GRIP1: variants seen among roughly 807,000 people sequenced by gnomAD.
GRIP1 encodes glutamate receptor interacting protein 1.
GRIP1 carries 45 observed loss-of-function variants against 129.9 expected under a neutral mutation model. That is an observed-to-expected ratio of 0.35 (90% confidence interval 0.27 to 0.44). The LOEUF (loss-of-function observed/expected upper bound fraction) is 0.44, where lower values mean the gene tolerates loss of function less well. Ranked by LOEUF, GRIP1 falls within the 20% of genes least tolerant of loss-of-function variation. The probability of loss-of-function intolerance (pLI) is 1.00; values close to 1 mark genes in which losing one functional copy is unlikely to be tolerated. For missense variants in GRIP1, 1,196 were observed against 1,396.8 expected (o/e 0.86, Z 2.29); for synonymous variants, 530 against 520.8 (o/e 1.02, Z -0.24).
At position 66,628,483 on chromosome 12, in the gene GRIP1, C is replaced by T. The variant is rs566964202; in HGVS notation, c.56-31556G>A. Among the ~76,000 whole-genome samples, 10 of 152,340 alleles carry T rather than the reference C, an allele frequency of 6.6e-5. No individual in the cohort carries two copies. The East Asian group carries it at 1.7e-3, about 26-fold the overall frequency. On this transcript the variant is annotated intron_variant, in intron 1 of 24. Coordinates refer to ENST00000359742, the MANE Select transcript of GRIP1 (RefSeq NM_001366722.1). ...TTTTCTCATTTTCCCTCCTCCTCTC[C>T]TGCTTCCTCCAGCCCTTTTAGTCCT... is the stretch of plus-strand genomic sequence containing the variant.
intron 1 of GRIP1, among the ~76,000 whole-genome samples, chr12:66,852,576 G>T (rs2039933697): frequency 6.6e-6 from 1 of 150,698 alleles, no homozygotes; most frequent in Admixed American, 6.6e-5. Context: ...ATGCATACAG[G>T]TATATGTATA....
chr12:66,621,780 G>A (rs1362561420), intron 1 of GRIP1, among the ~76,000 whole-genome samples: 1 of 152,022 alleles, frequency 6.6e-6, no homozygotes, highest in Non-Finnish European at 1.5e-5. Context: ...TTTTTTAATA[G>A]CCATCCTAAT....
Position 66,723,239 on chromosome 12 carries a change from T to TCTCCCTTCCTTC in GRIP1, c.-420+80813_-420+80814insGAAGGAAGGGAG, listed in dbSNP as rs1555230329. Among the ~76,000 whole-genome samples the TCTCCCTTCCTTC allele has an allele frequency of 4.2e-4, 10 of 23,598 alleles. 1 individual carries two copies. The highest frequency in any genetic ancestry group is 3.9e-3 in the South Asian group (2 of 510). The allele number at this position is 23,598 out of a possible 152,430, so 15.5% of individuals were successfully genotyped here. A position where few individuals can be genotyped will look rare whatever the true frequency, so the allele number is the denominator to read the frequency against. Reference sequence around the variant, plus strand: ...CTTTCTTTCTTTCTCTCTCTCTCTCTCTTCCTTCCTTCCTTCCTTCCTTCC... The same window carrying TCTCCCTTCCTTC: ...CTTTCTTTCTTTCTCTCTCTCTCTCTCTCCCTTCCTTCCTTCCTTCCTTCCTTCCTTCCTTCC... On this transcript the variant is annotated intron_variant, in intron 1 of 4. Coordinates refer to the GRIP1 transcript ENST00000538373.
intron 1 of GRIP1, among the ~76,000 whole-genome samples, chr12:67,014,667 C>A (rs1317072420): frequency 6.6e-6 from 1 of 152,000 alleles, no homozygotes; most frequent in Non-Finnish European, 1.5e-5. Context: ...TAACCCCCTG[C>A]AGAGACTCAA....
At chr12:66,402,936 A>T (rs561088311) in intron 16 of GRIP1, among the ~76,000 whole-genome samples, 7 of 152,332 alleles carry the variant, frequency 4.6e-5, no homozygotes, top group Admixed American at 3.3e-4. Flanking sequence ...TAGAATACAG[A>T]TAGTCCCCAC....
At chr12:66,486,508 C>T (rs12818255) in intron 7 of GRIP1, among the ~76,000 whole-genome samples, 27,962 of 151,998 alleles carry the variant, frequency 0.18, 2,755 homozygotes, top group Non-Finnish European at 0.21. Flanking sequence ...CAGTTTCCCC[C>T]GTACTATTCT....
chr12:66,808,839 C>T (rs1321393242), upstream of GRIP1, among the ~76,000 whole-genome samples: 6 of 110,660 alleles, frequency 5.4e-5, no homozygotes, highest in African/African-American at 2.1e-4. Flanking sequence ...ACCACCTGGC[C>T]CCTGCAGGCA....
At chr12:66,432,302 T>C (rs2058171856) in intron 14 of GRIP1, among the ~76,000 whole-genome samples, 1 of 152,152 alleles carries the variant, frequency 6.6e-6, no homozygotes, top group South Asian at 2.1e-4. Flanking sequence ...AAAACAATCC[T>C]ATATTTTCTA....
At chr12:66,858,203 T>C (rs927931904) in intron 1 of GRIP1, among the ~76,000 whole-genome samples, 2 of 151,994 alleles carry the variant, frequency 1.3e-5, no homozygotes, top group Non-Finnish European at 2.9e-5. Context: ...TTACTGTATA[T>C]ATAAGAGATC....
At chr12:66,503,925 T>A (rs2060458327) in intron 7 of GRIP1, among the ~76,000 whole-genome samples, 1 of 152,154 alleles carries the variant, frequency 6.6e-6, no homozygotes, top group Admixed American at 6.5e-5. Context: ...AGGGATCTTT[T>A]TGAGAGTGTA....
intron 1 of GRIP1, among the ~76,000 whole-genome samples, chr12:66,909,705 G>GA (rs763425837): frequency 2.6e-5 from 4 of 152,186 alleles, no homozygotes; most frequent in Non-Finnish European, 5.9e-5. Flanking sequence ...ACAAGGTTTA[G>GA]ATGATTTTCT....
At chr12:66,532,237 G>T (rs1424779586) in intron 4 of GRIP1, among the ~76,000 whole-genome samples, 1 of 152,070 alleles carries the variant, frequency 6.6e-6, no homozygotes, top group African/African-American at 2.4e-5. Context: ...TCATGATTGG[G>T]TTTTCACGTG....
rs192924870 is a variant in GRIP1 at position 66,552,874 on chromosome 12, A to C, written c.137-10924T>G. ...AGTCACTGCAGATCACCAAGAAGCAAAGCATCTGGGGAGCCCTATGGACTT... is the reference window on the plus strand; with the variant it reads ...AGTCACTGCAGATCACCAAGAAGCACAGCATCTGGGGAGCCCTATGGACTT... On this transcript the variant is annotated intron_variant, in intron 2 of 24. Transcript: ENST00000359742. Among the ~76,000 whole-genome samples, 3 of 152,294 alleles carry C rather than the reference A, an allele frequency of 2.0e-5. No individual in the cohort carries two copies. In the East Asian group the frequency reaches 5.8e-4, roughly 29 times the overall value.
chr12:66,815,972 C>G (rs1036929852), intron 1 of GRIP1, among the ~76,000 whole-genome samples: 1 of 151,956 alleles, frequency 6.6e-6, no homozygotes, highest in East Asian at 1.9e-4. Context: ...TTCCTTCTGT[C>G]TGAAACATGA....
At position 66,445,518 on chromosome 12, in the gene GRIP1, C is replaced by A. The variant is rs776867245; in HGVS notation, c.1355-10G>T. Reference sequence around the variant, plus strand: ...CTGGAGGCTAAGGACACTAGAGGAACAAACAGAAAATACTGACTTTAGGTT... The same window carrying A: ...CTGGAGGCTAAGGACACTAGAGGAAAAAACAGAAAATACTGACTTTAGGTT... On this transcript the variant is annotated splice_polypyrimidine_tract_variant and intron_variant, in intron 11 of 24. Coordinates refer to ENST00000359742, the MANE Select transcript of GRIP1 (RefSeq NM_001366722.1). 8.1e-6 allele frequency: 13 copies of A among 1,596,434 alleles called. No individual in the cohort carries two copies. The East Asian group carries it at 2.7e-4, about 33-fold the overall frequency.
intron 1 of GRIP1, among the ~76,000 whole-genome samples, chr12:66,890,875 G>A (rs1039754152): frequency 3.9e-5 from 6 of 152,114 alleles, no homozygotes. Context: ...CACAGGCTGT[G>A]GATCTTTTAT....
intron 11 of GRIP1, among the ~76,000 whole-genome samples, chr12:66,454,683 C>A (rs1017757783): frequency 6.6e-6 from 1 of 152,158 alleles, no homozygotes; most frequent in Admixed American, 6.5e-5. Context: ...TAGTCTATAT[C>A]GTGTTTGGCT....
intron 1 of GRIP1, among the ~76,000 whole-genome samples, chr12:66,716,413 C>A (rs2035888902): frequency 6.6e-6 from 1 of 151,638 alleles, no homozygotes; most frequent in South Asian, 2.1e-4. Context: ...AGGAGAGAAG[C>A]CCTGGGGATT....
At chr12:66,552,040 G>C (rs1253998966) in intron 2 of GRIP1, among the ~76,000 whole-genome samples, 2 of 152,208 alleles carry the variant, frequency 1.3e-5, no homozygotes, top group African/African-American at 4.8e-5. Flanking sequence ...GGAAGTGAAA[G>C]AAGATCCTGA....
Sources: allele counts gnomAD v4.1 joint callset (sites outside exome capture counted in the v4.1 genomes callset), GRCh38; gene constraint gnomAD v4.1.1; transcripts MANE v1.5; gene names NCBI Gene and HGNC (gene_info 2026-07-23, HGNC 2026-07-21).